SHROOM3: variants seen among roughly 807,000 people sequenced by gnomAD.
SHROOM3 encodes shroom family member 3.
SHROOM3 carries 47 observed loss-of-function variants against 138.6 expected under a neutral mutation model. The ratio of observed to expected loss-of-function variants is 0.34; its 90% CI spans 0.27 to 0.43. The LOEUF (loss-of-function observed/expected upper bound fraction) is 0.43. Among genes scored for constraint, SHROOM3 ranks in the 20% least tolerant of loss-of-function variants. SHROOM3 has a pLI of 1.00. For synonymous variants in SHROOM3, 1,062 were observed against 1,063.3 expected, an observed-to-expected ratio of 1.00 and a Z score of 0.02; for missense variants, 2,491 against 2,596.5, an observed-to-expected ratio of 0.96 and a Z score of 0.88.
At chr4:76,654,285 G>C (rs1433081953) in intron 2 of SHROOM3, among the ~76,000 whole-genome samples, 8 of 152,198 alleles carry the variant, frequency 5.3e-5, no homozygotes, top group Non-Finnish European at 8.8e-5. Flanking sequence ...AGTCTGCCGA[G>C]GTAGACAGGT....
chr4:76,745,791 G>A (rs1193975861), intron 5 of SHROOM3, among the ~76,000 whole-genome samples: 1 of 152,142 alleles, frequency 6.6e-6, no homozygotes, highest in African/African-American at 2.4e-5. Context: ...GATCAGCCTG[G>A]CCAACATGGC....
chr4:76,570,568 G>A lies in SHROOM3; in HGVS notation c.323+14805G>A, dbSNP rs189337512. ...CCGAGTCACTCCATGAGGTAGCAATGAATATAAACATGAGCTCATGTTCAG... is the reference window on the plus strand; with the variant it reads ...CCGAGTCACTCCATGAGGTAGCAATAAATATAAACATGAGCTCATGTTCAG... On this transcript the variant is annotated intron_variant, in intron 2 of 10. Coordinates refer to ENST00000296043, the MANE Select transcript of SHROOM3 (RefSeq NM_020859.4). Among the ~76,000 whole-genome samples the A allele has an allele frequency of 1.7e-4, 26 of 152,282 alleles. 1 individual carries two copies. The highest frequency in any genetic ancestry group is 1.4e-3 in the Admixed American group (22 of 15,290).
intron 9 of SHROOM3, among the ~76,000 whole-genome samples, chr4:76,761,064 A>G (rs1721973196): frequency 6.6e-6 from 1 of 152,032 alleles, no homozygotes; most frequent in Non-Finnish European, 1.5e-5. Flanking sequence ...GAATCGGGGC[A>G]TAGGCAGGTT....
At chr4:76,704,718 G>A (rs1477465220) in intron 2 of SHROOM3, among the ~76,000 whole-genome samples, 2 of 152,202 alleles carry the variant, frequency 1.3e-5, no homozygotes, top group Admixed American at 1.3e-4. Context: ...GAAGCTACAG[G>A]ATTTCATCAG....
chr4:76,574,466 C>A (rs922162700), intron 2 of SHROOM3, among the ~76,000 whole-genome samples: 6 of 152,104 alleles, frequency 3.9e-5, no homozygotes, highest in African/African-American at 1.2e-4. Context: ...CCTAAAGAAC[C>A]ATGGCATTAA....
chr4:76,510,429 TG>T (rs1312611614), intron 1 of SHROOM3, among the ~76,000 whole-genome samples: 1 of 152,222 alleles, frequency 6.6e-6, no homozygotes, highest in Non-Finnish European at 1.5e-5. Flanking sequence ...TGAATGACTT[TG>T]GGCAAGTTAC....
At chr4:76,771,926 A>C (rs1722374049) in intron 10 of SHROOM3, among the ~76,000 whole-genome samples, 2 of 152,284 alleles carry the variant, frequency 1.3e-5, no homozygotes, top group African/African-American at 4.8e-5. Context: ...ATTTGTGAGC[A>C]AAGCAGACAG....
chr4:76,541,544 C>A (rs1021972759), intron 1 of SHROOM3, among the ~76,000 whole-genome samples: 1 of 151,762 alleles, frequency 6.6e-6, no homozygotes, highest in Non-Finnish European at 1.5e-5. Context: ...CATACAATAA[C>A]GGCAGGGGCT....
intron 2 of SHROOM3, among the ~76,000 whole-genome samples, chr4:76,612,681 G>A (rs575878332): frequency 7.2e-5 from 11 of 152,270 alleles, no homozygotes; most frequent in Non-Finnish European, 1.0e-4. Flanking sequence ...GCTCATACCT[G>A]TAATCCCAGC....
intron 2 of SHROOM3, among the ~76,000 whole-genome samples, chr4:76,638,300 T>C (rs1735560522): frequency 6.6e-6 from 1 of 152,158 alleles, no homozygotes; most frequent in African/African-American, 2.4e-5. Context: ...AATATGTTTA[T>C]ATATACCTAC....
intron 1 of SHROOM3, among the ~76,000 whole-genome samples, chr4:76,538,576 G>A (rs1221325248): frequency 1.3e-5 from 2 of 152,174 alleles, no homozygotes; most frequent in African/African-American, 2.4e-5. Flanking sequence ...AGCATGGCAG[G>A]TAGGAATCTG....
chr4:76,552,091 G>T (rs112377309), intron 1 of SHROOM3, among the ~76,000 whole-genome samples: 160 of 150,048 alleles, frequency 1.1e-3, no homozygotes, highest in African/African-American at 3.6e-3. Flanking sequence ...TCGATCTCCT[G>T]ACCTTGTGAT....
At chr4:76,701,458 G>T (rs1441471743) in intron 2 of SHROOM3, among the ~76,000 whole-genome samples, 1 of 152,136 alleles carries the variant, frequency 6.6e-6, no homozygotes, top group East Asian at 1.9e-4. Context: ...CCCTCTATGA[G>T]GCTGTCTCTG....
chr4:76,578,634 T>C (rs1733984757), intron 2 of SHROOM3, among the ~76,000 whole-genome samples: 1 of 152,252 alleles, frequency 6.6e-6, no homozygotes, highest in African/African-American at 2.4e-5. Context: ...ATTTATGATG[T>C]AGACCCAAGG....
chr4:76,741,479 C>T lies in SHROOM3; in HGVS notation c.3306C>T (p.Ala1102=), dbSNP rs768618966. 4.5e-6 allele frequency: 7 copies of T among 1,559,856 alleles called. No homozygotes were observed. The highest frequency in any genetic ancestry group is 2.3e-5 in the South Asian group (2 of 85,448). Residue 1102 remains alanine, a synonymous_variant, in exon 5 of 11, where the codon GCC becomes GCT. Transcript: ENST00000296043. This position sits in a 1 kb window ranked among gnomAD's most constrained non-coding sequence, Gnocchi z 6.2. ...CCGGCAAGCGGCCTACCTCCGCCGC[C>T]GGCTGCAGCCTCCAGGAGCCCGGGC... ...RKTGKRPTSA[A]GCSLQEPGPL...
At chr4:76,475,641 T>C (rs1203010316) in intron 1 of SHROOM3, among the ~76,000 whole-genome samples, 1 of 152,230 alleles carries the variant, frequency 6.6e-6, no homozygotes, top group East Asian at 1.9e-4. Flanking sequence ...GTTTCTCACA[T>C]TGCTTTTTGA....
At position 76,754,688 on chromosome 4, in the gene SHROOM3, G is replaced by T. The variant is rs1167295549; in HGVS notation, c.4205G>T (p.Gly1402Val). The change falls in exon 7 of 11, where the codon GGC becomes GTC. Residue 1402 changes from glycine (G) to valine (V), a missense_variant. By Grantham distance (109) the Gly-to-Val change is moderately radical. Coordinates refer to ENST00000296043, the MANE Select transcript of SHROOM3 (RefSeq NM_020859.4). Reference protein sequence around the residue: ...HTLTQPPGPRGCEGDGPEHGV... With the variant: ...HTLTQPPGPRVCEGDGPEHGV... Reference sequence around the variant, plus strand: ...CTGACCCAGCCTCCCGGTCCAAGAGGCTGTGAGGGCGATGGCCCAGAGCAT... The same window carrying T: ...CTGACCCAGCCTCCCGGTCCAAGAGTCTGTGAGGGCGATGGCCCAGAGCAT... The T allele has an allele frequency of 1.9e-6, 3 of 1,614,200 alleles. No homozygotes were observed. Among genetic ancestry groups the T allele is most frequent in the Admixed American group, 1.7e-5 (1 of 60,034 alleles).
intron 4 of SHROOM3, among the ~76,000 whole-genome samples, chr4:76,731,588 C>T (rs1720884808): frequency 2.0e-5 from 3 of 152,078 alleles, no homozygotes; most frequent in Admixed American, 2.0e-4. Flanking sequence ...CAAGACCAGC[C>T]TGGCCAACAC....
intron 2 of SHROOM3, among the ~76,000 whole-genome samples, chr4:76,619,703 G>A (rs1024554651): frequency 6.6e-6 from 1 of 152,148 alleles, no homozygotes; most frequent in African/African-American, 2.4e-5. Flanking sequence ...GTGAAGATTT[G>A]AATTAGGGGA....
Sources: gnomAD v4.1 joint callset for allele counts (sites outside exome capture counted in the v4.1 genomes callset) on GRCh38, gnomAD v4.1.1 for gene constraint, Gnocchi (gnomAD v3.1) non-coding constraint, MANE v1.5 for transcripts, NCBI Gene and HGNC (gene_info 2026-07-23, HGNC 2026-07-21) for gene names.